Variants in AGBL1 observed in about 807,000 individuals in gnomAD.
AGBL1 encodes cytosolic carboxypeptidase 4.
A neutral mutation model predicts 118.9 loss-of-function variants in AGBL1; 130 were observed. The observed-to-expected ratio is 1.09, with a 90% confidence interval of 0.95 to 1.26. AGBL1 has a LOEUF of 1.26. Ranked by LOEUF, AGBL1 falls within the 50% of genes most tolerant of loss-of-function variation. AGBL1 has a pLI of 0.00. For synonymous variants in AGBL1, 555 were observed against 478.9 expected, an observed-to-expected ratio of 1.16 and a Z score of -2.08; for missense variants, 1,584 against 1,298.1, an observed-to-expected ratio of 1.22 and a Z score of -3.38.
At chr15:86,520,645 C>T (rs947904514) in intron 18 of AGBL1, among the ~76,000 whole-genome samples, 3 of 152,126 alleles carry the variant, frequency 2.0e-5, no homozygotes, top group African/African-American at 4.8e-5. Context: ...CACATGTATG[C>T]TTGCATTTTC....
intron 17 of AGBL1, among the ~76,000 whole-genome samples, chr15:86,374,360 T>C (rs1221171268): frequency 6.6e-6 from 1 of 152,230 alleles, no homozygotes; most frequent in Non-Finnish European, 1.5e-5. Flanking sequence ...CAGGTCTGCA[T>C]GTTTGACTTT....
chr15:86,469,517 A>G (rs1304132665), intron 18 of AGBL1, among the ~76,000 whole-genome samples: 1 of 152,082 alleles, frequency 6.6e-6, no homozygotes, highest in Non-Finnish European at 1.5e-5. Context: ...TATCCTGGCT[A>G]TTGTGAGTAG....
intron 23 of AGBL1, among the ~76,000 whole-genome samples, chr15:86,944,529 G>A (rs1017163933): frequency 2.0e-5 from 3 of 152,098 alleles, no homozygotes; most frequent in African/African-American, 4.8e-5. Context: ...CAGAACATTC[G>A]ACTGGACATC....
chr15:86,273,348 A>C (rs2079191890), intron 15 of AGBL1, among the ~76,000 whole-genome samples: 1 of 152,238 alleles, frequency 6.6e-6, no homozygotes, highest in Non-Finnish European at 1.5e-5. Flanking sequence ...AAAAACCATG[A>C]ATGTATAATA....
chr15:86,906,204 G>A (rs759493755), intron 22 of AGBL1, among the ~76,000 whole-genome samples: 35 of 152,338 alleles, frequency 2.3e-4, no homozygotes, highest in Non-Finnish European at 3.7e-4. Flanking sequence ...AATTGGTTAA[G>A]TCCTAAGTAG....
At chr15:86,820,982 G>A (rs74365372) in intron 22 of AGBL1, among the ~76,000 whole-genome samples, 1,920 of 152,210 alleles carry the variant, frequency 0.013, 30 homozygotes, top group Middle Eastern at 0.061. Context: ...CATGTACACC[G>A]TGGAATACTA....
intron 17 of AGBL1, among the ~76,000 whole-genome samples, chr15:86,341,945 A>T (rs2080467959): frequency 1.3e-5 from 2 of 152,194 alleles, no homozygotes. Flanking sequence ...ATAAGATATT[A>T]TTCAGGTTAT....
chr15:86,370,018 C>T (rs576059486), intron 17 of AGBL1, among the ~76,000 whole-genome samples: 77 of 152,104 alleles, frequency 5.1e-4, no homozygotes, highest in Admixed American at 1.0e-3. Flanking sequence ...AATCAATCAC[C>T]GGTTTTATGA....
chr15:86,262,078 C>CTGTTTTTTTTTTTTTTTTTT, intron 9 of AGBL1, among the ~76,000 whole-genome samples: 1 of 52,768 alleles, frequency 1.9e-5, no homozygotes, highest in Non-Finnish European at 3.6e-5. Flanking sequence ...GCATAGCTGG[C>CTGTTTTTTTTTTTTTTTTTT]TTTTTTTTTT....
chr15:86,850,578 C>T (rs1434357360), intron 22 of AGBL1, among the ~76,000 whole-genome samples: 1 of 152,110 alleles, frequency 6.6e-6, no homozygotes, highest in Non-Finnish European at 1.5e-5. Flanking sequence ...CATCTTCCTC[C>T]CACCCTCATT....
At position 86,141,510 on chromosome 15, in the gene AGBL1, G is replaced by A. The variant is rs192256206; in HGVS notation, c.52-494G>A. The stretch of plus-strand genomic sequence containing the variant: ...ACTAAAAACACAAAAAACTAGCCAG[G>A]GGTGGTGGCACATGCCTGTAGCCCC... On this transcript the variant is annotated intron_variant, in intron 1 of 22. Transcript: ENST00000614907. 5.3e-5 allele frequency among the ~76,000 whole-genome samples: 8 copies of A among 152,266 alleles called. No individual in the cohort carries two copies. In the East Asian group the frequency reaches 1.4e-3, roughly 26 times the overall value.
At chr15:86,477,803 C>A (rs1435043642) in intron 18 of AGBL1, among the ~76,000 whole-genome samples, 3 of 152,150 alleles carry the variant, frequency 2.0e-5, no homozygotes, top group African/African-American at 2.4e-5. Context: ...AGATCAATAT[C>A]CCTGATGAAC....
chr15:86,291,313 G>A (rs1403780271), intron 16 of AGBL1, among the ~76,000 whole-genome samples: 1 of 152,096 alleles, frequency 6.6e-6, no homozygotes, highest in Non-Finnish European at 1.5e-5. Context: ...GAAGAAATAT[G>A]AGCCAAGAAT....
At chr15:86,336,237 C>T (rs2080366464) in intron 17 of AGBL1, among the ~76,000 whole-genome samples, 1 of 152,198 alleles carries the variant, frequency 6.6e-6, no homozygotes, top group Non-Finnish European at 1.5e-5. Context: ...ACCACAGATT[C>T]TTGCTACATC....
intron 23 of AGBL1, among the ~76,000 whole-genome samples, chr15:86,927,612 T>A (rs2080558587): frequency 6.6e-6 from 1 of 152,142 alleles, no homozygotes; most frequent in South Asian, 2.1e-4. Context: ...AAATTATTTT[T>A]AAAAAGTTAC....
chr15:86,143,788 C>G lies in AGBL1; in HGVS notation c.205C>G (p.Pro69Ala). The change falls in exon 3 of 23, where the codon CCA (proline) becomes GCA (alanine). Residue 69 changes from proline (P) to alanine (A), a missense_variant. By Grantham distance (27) the Pro-to-Ala change is conservative. Coordinates refer to ENST00000614907, the MANE Select transcript of AGBL1 (RefSeq NM_001386094.1). ...GGTAGACACAGCGAGGACAGCTCCT[C>G]CAGACTATGACATCCTCCTGCCTCT... is the stretch of plus-strand genomic sequence containing the variant. ...TLVDTARTAP[P>A]DYDILLPLFR... The G allele has an allele frequency of 6.2e-7, 1 of 1,613,888 alleles. No individual in the cohort carries two copies.
intron 6 of AGBL1, among the ~76,000 whole-genome samples, chr15:86,247,448 T>A (rs2078738862): frequency 6.6e-6 from 1 of 152,244 alleles, no homozygotes; most frequent in African/African-American, 2.4e-5. Flanking sequence ...GATGCCGATC[T>A]TTCTCAGTGT....
At chr15:87,004,490 A>G (rs1426042487) in intron 24 of AGBL1, among the ~76,000 whole-genome samples, 1 of 152,096 alleles carries the variant, frequency 6.6e-6, no homozygotes, top group Non-Finnish European at 1.5e-5. Flanking sequence ...AGTCTGTTTT[A>G]TCAGAGACTA....
chr15:86,829,585 C>A (rs1452444), intron 22 of AGBL1, among the ~76,000 whole-genome samples: 4,449 of 152,150 alleles, frequency 0.029, 271 homozygotes, highest in Admixed American at 0.15. Flanking sequence ...ACTATTTGGT[C>A]ATTTCAAATG....
Sources: gnomAD v4.1 joint callset for allele counts (sites outside exome capture counted in the v4.1 genomes callset) on GRCh38, gnomAD v4.1.1 for gene constraint, MANE v1.5 for transcripts, NCBI Gene and HGNC (gene_info 2026-07-23, HGNC 2026-07-21) for gene names.